The following CNTN4 variants were observed in gnomAD, a reference collection of about 807,000 sequenced individuals.
CNTN4 encodes contactin 4, also known as contactin-4.
In CNTN4, 77 loss-of-function variants were observed where a neutral mutation model predicts 122.5. That is an observed-to-expected ratio of 0.63 (90% CI 0.52 to 0.76). The LOEUF is 0.76. Among genes scored for constraint, CNTN4 ranks in the 30% least tolerant of loss-of-function variants. CNTN4 has a pLI of 0.00. For synonymous variants in CNTN4, 512 were observed against 447.0 expected (o/e 1.15, Z -1.83); for missense variants, 1,256 against 1,259.1 (o/e 1.00, Z 0.04).
chr3:2,983,106 C>T (rs1416569093), intron 13 of CNTN4, among the ~76,000 whole-genome samples: 1 of 150,200 alleles, frequency 6.7e-6, no homozygotes, highest in East Asian at 2.0e-4. Context: ...CCCAGCTACT[C>T]GGGAGGCTGA....
intron 8 of CNTN4, 92 bp downstream of exon 8, chr3:2,867,041 G>T: frequency 1.7e-6 from 2 of 1,161,078 alleles, no homozygotes; most frequent in Non-Finnish European, 2.5e-6. Flanking sequence ...AAGCTTTGTT[G>T]TCTAAATTAA....
chr3:2,478,632 G>A (rs2075898922), intron 3 of CNTN4, among the ~76,000 whole-genome samples: 1 of 152,004 alleles, frequency 6.6e-6, no homozygotes, highest in African/African-American at 2.4e-5. Context: ...CCCACCATGT[G>A]TCCCTTTGTT....
intron 6 of CNTN4, among the ~76,000 whole-genome samples, chr3:2,815,636 G>A (rs2092708617): frequency 6.6e-6 from 1 of 152,128 alleles, no homozygotes; most frequent in African/African-American, 2.4e-5. Flanking sequence ...CCACTGGTGG[G>A]AATGCAAACT....
At chr3:2,585,158 A>G (rs1275604468) in intron 4 of CNTN4, among the ~76,000 whole-genome samples, 4 of 152,194 alleles carry the variant, frequency 2.6e-5, no homozygotes, top group Non-Finnish European at 5.9e-5. Flanking sequence ...TTCACTACTG[A>G]TGATGGTAAT....
At chr3:2,344,665 A>G (rs1436448466) in intron 3 of CNTN4, among the ~76,000 whole-genome samples, 1 of 152,198 alleles carries the variant, frequency 6.6e-6, no homozygotes, top group Non-Finnish European at 1.5e-5. Context: ...TCTATTCTAA[A>G]TATTTTACTG....
intron 13 of CNTN4, among the ~76,000 whole-genome samples, chr3:2,948,349 A>G (rs2094700823): frequency 1.3e-5 from 2 of 152,180 alleles, no homozygotes; most frequent in African/African-American, 4.8e-5. Context: ...TTTGTGATGC[A>G]AAGTGGAACA....
intron 4 of CNTN4, among the ~76,000 whole-genome samples, chr3:2,657,374 G>A (rs2083640266): frequency 6.6e-6 from 1 of 152,156 alleles, no homozygotes; most frequent in Admixed American, 6.5e-5. Context: ...AGTGGGTAAT[G>A]GAACTTGTAA....
In CNTN4 at chr3:2,464,593, A is replaced by G. The variant is rs114840322; in HGVS notation, c.-88-106823A>G. ...TTTATCAGACTCTGGTGTGGATCACAATCGCCTGGGGACGAATTAAAATGA... is the reference window on the plus strand; with the variant it reads ...TTTATCAGACTCTGGTGTGGATCACGATCGCCTGGGGACGAATTAAAATGA... On this transcript the variant is annotated intron_variant, in intron 3 of 24. Coordinates refer to ENST00000418658, the MANE Select transcript of CNTN4 (RefSeq NM_175607.3). Among the ~76,000 whole-genome samples, 923 of 152,222 alleles carry G rather than the reference A, an allele frequency of 6.1e-3. 10 individuals carry two copies. Among genetic ancestry groups the G allele is most frequent in the African/African-American group, 0.021 (892 of 41,538 alleles).
intron 3 of CNTN4, among the ~76,000 whole-genome samples, chr3:2,416,206 C>A (rs867825679): frequency 3.3e-5 from 5 of 152,108 alleles, no homozygotes; most frequent in Middle Eastern, 3.4e-3. Context: ...AGTGATCATT[C>A]CATATCACAG....
chr3:2,900,945 G>A (rs562784682), intron 11 of CNTN4, 124 bp downstream of exon 11: 372 of 1,245,380 alleles, frequency 3.0e-4, no homozygotes, highest in Non-Finnish European at 4.1e-4. Flanking sequence ...CAGCATTATG[G>A]TGGAAAAAGT....
chr3:2,608,973 A>G (rs2081370351), intron 4 of CNTN4, among the ~76,000 whole-genome samples: 1 of 152,298 alleles, frequency 6.6e-6, no homozygotes, highest in African/African-American at 2.4e-5. Flanking sequence ...TTCTCCTTTC[A>G]TCTTCTCTGG....
At chr3:2,343,230 C>T (rs1234607483) in intron 3 of CNTN4, among the ~76,000 whole-genome samples, 2 of 152,130 alleles carry the variant, frequency 1.3e-5, no homozygotes, top group Non-Finnish European at 2.9e-5. Context: ...AAAACCCCAC[C>T]TCCCCACAAC....
intron 2 of CNTN4, among the ~76,000 whole-genome samples, chr3:2,198,986 G>A (rs569684195): frequency 5.3e-5 from 8 of 152,270 alleles, no homozygotes; most frequent in South Asian, 2.1e-4. Flanking sequence ...CCGAATCATC[G>A]TTTCACTAAG....
intron 6 of CNTN4, among the ~76,000 whole-genome samples, chr3:2,753,278 C>A (rs1224022815): frequency 6.6e-6 from 1 of 152,120 alleles, no homozygotes; most frequent in Non-Finnish European, 1.5e-5. Flanking sequence ...GTACTTTTTT[C>A]TGCCCCAGGT....
intron 3 of CNTN4, among the ~76,000 whole-genome samples, chr3:2,429,097 C>A (rs1019773934): frequency 6.6e-6 from 1 of 152,208 alleles, no homozygotes; most frequent in Non-Finnish European, 1.5e-5. Context: ...AAGTAATTCT[C>A]CATCCAGGTT....
At chr3:2,615,507 C>G (rs1470961095) in intron 4 of CNTN4, among the ~76,000 whole-genome samples, 3 of 152,050 alleles carry the variant, frequency 2.0e-5, no homozygotes, top group African/African-American at 7.2e-5. Flanking sequence ...TTTAAAAGCC[C>G]TATTCTTAAT....
At chr3:2,791,014 C>T (rs1316040826) in intron 6 of CNTN4, among the ~76,000 whole-genome samples, 1 of 152,078 alleles carries the variant, frequency 6.6e-6, no homozygotes, top group Non-Finnish European at 1.5e-5. Context: ...AGAGTAATTA[C>T]AGTGTCTTAA....
chr3:2,636,651 A>G (rs1333805824), intron 4 of CNTN4, among the ~76,000 whole-genome samples: 1 of 152,180 alleles, frequency 6.6e-6, no homozygotes, highest in African/African-American at 2.4e-5. Flanking sequence ...ATGAACAGTG[A>G]AGTCCAAATA....
chr3:2,127,981 G>T (rs1278769264), intron 2 of CNTN4, among the ~76,000 whole-genome samples: 1 of 152,190 alleles, frequency 6.6e-6, no homozygotes, highest in Non-Finnish European at 1.5e-5. Flanking sequence ...TATGAATTTT[G>T]TGTTGTTAAA....
Sources: allele counts gnomAD v4.1 joint callset (sites outside exome capture counted in the v4.1 genomes callset), GRCh38; gene constraint gnomAD v4.1.1; transcripts MANE v1.5; gene names NCBI Gene and HGNC (gene_info 2026-07-23, HGNC 2026-07-21).